RGS6: variants seen among roughly 807,000 people sequenced by gnomAD.
RGS6 encodes regulator of G protein signaling 6, also known as regulator of G-protein signaling 6.
In RGS6, 30 loss-of-function variants were observed where a neutral mutation model predicts 78.5. That is an observed-to-expected ratio of 0.38 (90% confidence interval 0.29 to 0.52). The LOEUF is 0.52. RGS6 is among the 20% of genes least tolerant of loss of function. RGS6 has a pLI of 0.85. For missense variants in RGS6, 495 were observed against 609.7 expected, an observed-to-expected ratio of 0.81 and a Z score of 1.98; for synonymous variants, 206 against 206.0, an observed-to-expected ratio of 1.00 and a Z score of 0.00.
intron 13 of RGS6, among the ~76,000 whole-genome samples, chr14:72,508,586 T>G (rs2096839927): frequency 2.0e-5 from 3 of 148,072 alleles, no homozygotes; most frequent in Admixed American, 2.0e-4. Context: ...TTTTTTTTTT[T>G]TTTTTTTACT....
At chr14:72,213,251 C>T (rs532858720) in intron 2 of RGS6, among the ~76,000 whole-genome samples, 12 of 152,040 alleles carry the variant, frequency 7.9e-5, no homozygotes, top group African/African-American at 1.2e-4. Flanking sequence ...GTTTGCCTCT[C>T]GAGACTTTCT....
intron 2 of RGS6, among the ~76,000 whole-genome samples, chr14:72,268,345 T>A (rs2059391818): frequency 6.6e-6 from 1 of 152,218 alleles, no homozygotes; most frequent in South Asian, 2.1e-4. Context: ...TAATGTTTTC[T>A]TTCTTTCTTT....
At chr14:72,443,886 C>T (rs1372638417) in intron 3 of RGS6, among the ~76,000 whole-genome samples, 1 of 152,184 alleles carries the variant, frequency 6.6e-6, no homozygotes, top group Non-Finnish European at 1.5e-5. Context: ...CAGTGACAGC[C>T]ACCCTCGGGG....
At chr14:72,341,541 G>A (rs1388914485) in intron 2 of RGS6, among the ~76,000 whole-genome samples, 1 of 152,198 alleles carries the variant, frequency 6.6e-6, no homozygotes, top group Non-Finnish European at 1.5e-5. Flanking sequence ...GGATTTGGAT[G>A]TGTTTGTTGT....
chr14:72,170,417 T>C (rs112165927), intron 2 of RGS6, among the ~76,000 whole-genome samples: 1 of 152,206 alleles, frequency 6.6e-6, no homozygotes, highest in East Asian at 1.9e-4. Flanking sequence ...GTCTTTTTCT[T>C]CTTCAACGGC....
At chr14:72,443,273 T>A (rs1016487473) in intron 3 of RGS6, among the ~76,000 whole-genome samples, 3 of 152,228 alleles carry the variant, frequency 2.0e-5, no homozygotes, top group African/African-American at 7.2e-5. Context: ...ATTTTGCAGA[T>A]GGGTAAACTG....
chr14:72,376,672 TAAAGTC>T (rs1281102093), intron 3 of RGS6, among the ~76,000 whole-genome samples: 5 of 152,090 alleles, frequency 3.3e-5, no homozygotes, highest in Admixed American at 6.6e-5. Flanking sequence ...AATAGAATGA[TAAAGTC>T]AAAGTAGTGA....
At chr14:71,982,227 A>G (rs1336785644) in intron 2 of RGS6, among the ~76,000 whole-genome samples, 1 of 152,178 alleles carries the variant, frequency 6.6e-6, no homozygotes, top group Non-Finnish European at 1.5e-5. Context: ...TCAGATGGAA[A>G]TGCAGAAATC....
intron 9 of RGS6, among the ~76,000 whole-genome samples, chr14:72,474,319 C>T (rs1005473571): frequency 3.9e-5 from 6 of 151,990 alleles, no homozygotes; most frequent in Admixed American, 2.6e-4. Context: ...CTTTTTCAAA[C>T]GGTTAAGTAT....
At chr14:72,408,274 T>G (rs1272645489) in intron 3 of RGS6, among the ~76,000 whole-genome samples, 1 of 152,188 alleles carries the variant, frequency 6.6e-6, no homozygotes, top group East Asian at 1.9e-4. Context: ...CTCAGATGAC[T>G]TGCAAATTCT....
At chr14:72,110,903 G>A (rs1216599635) in intron 2 of RGS6, among the ~76,000 whole-genome samples, 1 of 152,078 alleles carries the variant, frequency 6.6e-6, no homozygotes, top group Non-Finnish European at 1.5e-5. Flanking sequence ...AGCAGCCTCT[G>A]ACCTTGCTCT....
intron 2 of RGS6, among the ~76,000 whole-genome samples, chr14:72,092,808 C>T (rs118056183): frequency 1.3e-5 from 2 of 152,312 alleles, no homozygotes; most frequent in East Asian, 3.9e-4. Context: ...ATTATTAGCA[C>T]CTTAAAATAG....
chr14:72,072,698 G>C (rs927255936), intron 2 of RGS6, among the ~76,000 whole-genome samples: 1 of 152,148 alleles, frequency 6.6e-6, no homozygotes, highest in Non-Finnish European at 1.5e-5. Flanking sequence ...TAGTTCACAG[G>C]CCTTTTAGGT....
At chr14:72,070,781 C>G (rs1334006612) in intron 2 of RGS6, among the ~76,000 whole-genome samples, 1 of 152,146 alleles carries the variant, frequency 6.6e-6, no homozygotes, top group Non-Finnish European at 1.5e-5. Flanking sequence ...CTCAAGTACT[C>G]TGGAGTTAAA....
chr14:72,197,934 T>C (rs2040576471), intron 2 of RGS6, among the ~76,000 whole-genome samples: 2 of 151,906 alleles, frequency 1.3e-5, no homozygotes, highest in Non-Finnish European at 2.9e-5. Context: ...TTTATTAATA[T>C]AGATAATATT....
intron 2 of RGS6, among the ~76,000 whole-genome samples, chr14:72,111,277 A>C (rs1442759834): frequency 6.6e-6 from 1 of 152,198 alleles, no homozygotes; most frequent in African/African-American, 2.4e-5. Flanking sequence ...GAAAAAAGGC[A>C]CTAAAGTGCT....
intron 2 of RGS6, among the ~76,000 whole-genome samples, chr14:72,251,486 G>A (rs532019846): frequency 6.6e-6 from 1 of 152,182 alleles, no homozygotes; most frequent in Non-Finnish European, 1.5e-5. Flanking sequence ...GGCACTTTCT[G>A]AGGTATTCCA....
At chr14:72,060,548 T>C (rs1034967427) in intron 2 of RGS6, among the ~76,000 whole-genome samples, 1 of 152,182 alleles carries the variant, frequency 6.6e-6, no homozygotes, top group Non-Finnish European at 1.5e-5. Context: ...ATTAATCTTA[T>C]CTTGTTTCTT....
At chr14:72,087,226 G>C (rs1029453527) in intron 2 of RGS6, among the ~76,000 whole-genome samples, 1 of 152,122 alleles carries the variant, frequency 6.6e-6, no homozygotes, top group Admixed American at 6.5e-5. Context: ...TGCCTCCTGG[G>C]TTCAAGTGAT....
Sources: gnomAD v4.1 joint callset for allele counts (sites outside exome capture counted in the v4.1 genomes callset) on GRCh38, gnomAD v4.1.1 for gene constraint, MANE v1.5 for transcripts, NCBI Gene and HGNC (gene_info 2026-07-23, HGNC 2026-07-21) for gene names.